PRKCQ: variants seen among roughly 807,000 people sequenced by gnomAD.
PRKCQ encodes protein kinase C theta type.
Under a neutral mutation model 91.2 loss-of-function variants are expected in PRKCQ, and 41 were observed. The observed-to-expected ratio is 0.45, with a 90% CI of 0.35 to 0.58. PRKCQ has a LOEUF of 0.58. PRKCQ is among the 20% of genes least tolerant of loss of function. The probability of loss-of-function intolerance (pLI) is 0.00; values close to 1 mark genes in which losing one functional copy is unlikely to be tolerated. For synonymous variants in PRKCQ, 307 were observed against 316.9 expected (o/e 0.97, Z 0.33); for missense variants, 673 against 896.5 (o/e 0.75, Z 3.18).
chr10:6,429,718 CTTTT>C (rs906543200), intron 17 of PRKCQ, among the ~76,000 whole-genome samples: 5 of 151,734 alleles, frequency 3.3e-5, no homozygotes, highest in Admixed American at 1.3e-4. Flanking sequence ...TTCTTAATGA[CTTTT>C]TTTTGTTGTT....
At chr10:6,495,521 T>A (rs1325253935) in intron 7 of PRKCQ, among the ~76,000 whole-genome samples, 6 of 152,232 alleles carry the variant, frequency 3.9e-5, no homozygotes, top group Admixed American at 3.9e-4. Context: ...CCACAGAGTC[T>A]CAGTAGGCCA....
intron 1 of PRKCQ, among the ~76,000 whole-genome samples, chr10:6,546,878 T>C (rs1325849890): frequency 1.3e-5 from 2 of 152,346 alleles, no homozygotes; most frequent in South Asian, 2.1e-4. Flanking sequence ...CTGTCATAGA[T>C]AGCTCTTATT....
At chr10:6,517,784 G>T (rs1484676011) in intron 1 of PRKCQ, among the ~76,000 whole-genome samples, 3 of 150,760 alleles carry the variant, frequency 2.0e-5, no homozygotes, top group African/African-American at 4.8e-5. Context: ...TATGGTTAGT[G>T]TAACAGAAGT....
At chr10:6,544,626 C>CTT (rs542982533) in intron 1 of PRKCQ, among the ~76,000 whole-genome samples, 17 of 141,526 alleles carry the variant, frequency 1.2e-4, no homozygotes, top group African/African-American at 2.1e-4. Context: ...ACCCCACACT[C>CTT]TTTTTTTTTT....
At chr10:6,501,752 A>G (rs1260879396) in intron 4 of PRKCQ, among the ~76,000 whole-genome samples, 2 of 152,090 alleles carry the variant, frequency 1.3e-5, no homozygotes, top group African/African-American at 4.8e-5. Context: ...TGAACTCGGG[A>G]GGCGGAGGTT....
chr10:6,488,005 A>AG (rs33909883), intron 8 of PRKCQ, among the ~76,000 whole-genome samples: 1 of 22,972 alleles, frequency 4.4e-5, no homozygotes, highest in Non-Finnish European at 1.1e-4. Context: ...ACTGTGTCTC[A>AG]AAAAAAAAAA....
chr10:6,472,516 A>G (rs1475242883), intron 12 of PRKCQ, among the ~76,000 whole-genome samples: 2 of 152,240 alleles, frequency 1.3e-5, no homozygotes, highest in Non-Finnish European at 2.9e-5. Flanking sequence ...GTGAAAATAA[A>G]TAACATTTAA....
At chr10:6,415,152 G>C in the PRKCQ span, among the ~76,000 whole-genome samples, 2 of 151,438 alleles carry the variant, frequency 1.3e-5, no homozygotes, top group East Asian at 3.9e-4. Flanking sequence ...TAGTAGAGAT[G>C]GAGTTTTGCC....
chr10:6,447,737 G>A (rs1335523828), intron 15 of PRKCQ, among the ~76,000 whole-genome samples: 1 of 152,190 alleles, frequency 6.6e-6, no homozygotes, highest in African/African-American at 2.4e-5. Flanking sequence ...GTGTTCCTGT[G>A]TTTTAATTCT....
At chr10:6,443,998 G>A (rs1323551868) in intron 15 of PRKCQ, among the ~76,000 whole-genome samples, 1 of 152,146 alleles carries the variant, frequency 6.6e-6, no homozygotes. Context: ...ATTTAATGGG[G>A]ACAGAGTTTT....
At position 6,576,905 on chromosome 10, in the gene PRKCQ, A is replaced by G. The variant is rs931530647; in HGVS notation, c.-10+3306T>C. Among the ~76,000 whole-genome samples the G allele has an allele frequency of 6.6e-6, 1 of 152,116 alleles. No homozygotes were observed. Among genetic ancestry groups the G allele is most frequent in the Non-Finnish European group, 1.5e-5 (1 of 68,024 alleles). On this transcript the variant is annotated intron_variant, in intron 1 of 17. Coordinates refer to ENST00000263125, the MANE Select transcript of PRKCQ (RefSeq NM_006257.5). This position sits in a 1 kb window ranked among gnomAD's most constrained non-coding sequence, Gnocchi z 4.2. ...CATCTGAAAAACTGGAATAATAATA[A>G]TATCTAATTTATAAAGGCTTTTGGA...
At chr10:6,434,926 T>C (rs1833625445) in intron 16 of PRKCQ, among the ~76,000 whole-genome samples, 1 of 152,194 alleles carries the variant, frequency 6.6e-6, no homozygotes. Flanking sequence ...TTTTTTTTCT[T>C]TTTTTTGAGA....
chr10:6,470,328 T>C (rs373929505), intron 12 of PRKCQ, among the ~76,000 whole-genome samples: 28 of 152,196 alleles, frequency 1.8e-4, no homozygotes, highest in African/African-American at 6.8e-4. Flanking sequence ...AGAGGGCTTT[T>C]CTGTGGTTTA....
At chr10:6,537,389 CG>C (rs1463333877) in intron 1 of PRKCQ, among the ~76,000 whole-genome samples, 4 of 152,268 alleles carry the variant, frequency 2.6e-5, no homozygotes, top group Admixed American at 1.3e-4. Context: ...ATATCCAAGT[CG>C]GTCTCTTGTC....
chr10:6,491,854 C>T (rs1347890654), intron 7 of PRKCQ, 42 bp from the exon 8 acceptor site: 5 of 1,613,156 alleles, frequency 3.1e-6, no homozygotes, highest in Non-Finnish European at 4.2e-6. Context: ...ATTCCTGGGG[C>T]CCCGACTTTG....
chr10:6,422,831 A>T (rs1422120421), downstream of PRKCQ, among the ~76,000 whole-genome samples: 2 of 152,190 alleles, frequency 1.3e-5, no homozygotes, highest in African/African-American at 4.8e-5. Context: ...CTGGCTGGGC[A>T]TTTCCTTCCT....
intron 1 of PRKCQ, among the ~76,000 whole-genome samples, chr10:6,571,389 A>G (rs535053672): frequency 6.6e-6 from 1 of 152,348 alleles, no homozygotes; most frequent in African/African-American, 2.4e-5. Flanking sequence ...TCTAGTCTGT[A>G]TAATGAACAC....
At chr10:6,528,645 C>T (rs1396359176) in intron 1 of PRKCQ, among the ~76,000 whole-genome samples, 1 of 152,204 alleles carries the variant, frequency 6.6e-6, no homozygotes, top group African/African-American at 2.4e-5. Context: ...CTCCCACAAC[C>T]CACAAAACTG....
intron 1 of PRKCQ, among the ~76,000 whole-genome samples, chr10:6,565,228 A>G (rs1400624474): frequency 2.6e-5 from 4 of 152,188 alleles, no homozygotes; most frequent in East Asian, 1.9e-4. Flanking sequence ...ATCTCTCTTT[A>G]TGTTTACATA....
Sources: gnomAD v4.1 joint callset for allele counts (sites outside exome capture counted in the v4.1 genomes callset) on GRCh38, gnomAD v4.1.1 for gene constraint, Gnocchi (gnomAD v3.1) non-coding constraint, MANE v1.5 for transcripts, NCBI Gene and HGNC (gene_info 2026-07-23, HGNC 2026-07-21) for gene names.